The following DLGAP1 variants were observed in gnomAD, a reference collection of about 807,000 sequenced individuals.
The protein encoded by DLGAP1 is DLG associated protein 1.
A neutral mutation model predicts 90.8 loss-of-function variants in DLGAP1; 11 were observed. The ratio of observed to expected loss-of-function variants is 0.12; its 90% CI spans 0.08 to 0.20. The LOEUF is 0.20. Among genes scored for constraint, DLGAP1 ranks in the 10% least tolerant of loss-of-function variants. The pLI, the probability that DLGAP1 is intolerant of heterozygous loss-of-function variation, is 1.00. For synonymous variants in DLGAP1, 558 were observed against 540.7 expected (o/e 1.03, Z -0.44); for missense variants, 1,050 against 1,333.8 (o/e 0.79, Z 3.31).
At chr18:3,777,326 G>A (rs1262142137) in intron 5 of DLGAP1, among the ~76,000 whole-genome samples, 2 of 152,138 alleles carry the variant, frequency 1.3e-5, no homozygotes, top group East Asian at 1.9e-4. Context: ...ATGATAAAAT[G>A]CATCCTCCAC....
chr18:3,630,341 G>A (rs1054942604), intron 7 of DLGAP1, among the ~76,000 whole-genome samples: 1 of 152,130 alleles, frequency 6.6e-6, no homozygotes, highest in Admixed American at 6.6e-5. Flanking sequence ...GAGCCTGCAG[G>A]TCCTCAGACT....
At position 3,526,756 on chromosome 18, in the gene DLGAP1, G is replaced by A. The variant is rs1419246215; in HGVS notation, c.2479+7438C>T. On this transcript the variant is annotated intron_variant, in intron 10 of 12. Transcript: ENST00000315677. This position sits in a 1 kb window ranked among gnomAD's most constrained non-coding sequence, Gnocchi z 4.7. ...TGGAGGCATTCAGCTCCATCTGGTCGTTTCATCCCCGGTTAGATAATACCA... is the reference window on the plus strand; with the variant it reads ...TGGAGGCATTCAGCTCCATCTGGTCATTTCATCCCCGGTTAGATAATACCA... Among the ~76,000 whole-genome samples, 5 of 152,138 alleles carry A rather than the reference G, an allele frequency of 3.3e-5. No homozygotes were observed.
chr18:4,004,330 A>G (rs998388448), intron 3 of DLGAP1, among the ~76,000 whole-genome samples: 1 of 151,808 alleles, frequency 6.6e-6, no homozygotes, highest in East Asian at 1.9e-4. Flanking sequence ...GACAGAGCAC[A>G]TGATATAAGT....
intron 2 of DLGAP1, among the ~76,000 whole-genome samples, chr18:4,091,253 GAAATA>G (rs552568394): frequency 1.3e-5 from 2 of 152,002 alleles, no homozygotes; most frequent in African/African-American, 4.8e-5. Context: ...AAAATGAAAT[GAAATA>G]AAATAAAATA....
At chr18:3,840,629 A>C (rs2068660265) in intron 4 of DLGAP1, among the ~76,000 whole-genome samples, 1 of 152,196 alleles carries the variant, frequency 6.6e-6, no homozygotes, top group Non-Finnish European at 1.5e-5. Context: ...GTTTCCTGAG[A>C]TTAGAGTGTG....
intron 1 of DLGAP1, among the ~76,000 whole-genome samples, chr18:4,391,305 C>T (rs889706003): frequency 2.6e-5 from 4 of 152,276 alleles, no homozygotes; most frequent in African/African-American, 4.8e-5. Flanking sequence ...AGTCCAGTTG[C>T]GGAAGATGTG....
chr18:3,771,244 G>C (rs1277974163), intron 5 of DLGAP1: 2 of 152,274 alleles, frequency 1.3e-5, no homozygotes, highest in Admixed American at 1.3e-4. Flanking sequence ...TCCCATGGCT[G>C]AGAATCCGCT....
chr18:3,749,085 C>T (rs2063385467), intron 5 of DLGAP1, among the ~76,000 whole-genome samples: 1 of 151,432 alleles, frequency 6.6e-6, no homozygotes. Context: ...TTCCACATTC[C>T]TATTCTGTCT....
At chr18:3,864,357 G>A (rs375094849) in intron 4 of DLGAP1, among the ~76,000 whole-genome samples, 2 of 152,128 alleles carry the variant, frequency 1.3e-5, no homozygotes, top group South Asian at 4.1e-4. Flanking sequence ...TCACTTCTCA[G>A]TTCCTTAGAA....
chr18:3,527,183 A>T (rs1050129603), intron 10 of DLGAP1, among the ~76,000 whole-genome samples: 1 of 152,222 alleles, frequency 6.6e-6, no homozygotes, highest in African/African-American at 2.4e-5. Flanking sequence ...ACCCACATTT[A>T]GTCAGTTTCA....
intron 4 of DLGAP1, among the ~76,000 whole-genome samples, chr18:3,841,854 C>T (rs182604959): frequency 3.4e-3 from 511 of 152,104 alleles, no homozygotes; most frequent in African/African-American, 0.012. Context: ...TGCTGGATCA[C>T]GGGCCACAAC....
intron 2 of DLGAP1, among the ~76,000 whole-genome samples, chr18:4,088,952 C>A (rs540465254): frequency 6.6e-6 from 1 of 152,156 alleles, no homozygotes; most frequent in South Asian, 2.1e-4. Context: ...TTTTGGCCAG[C>A]GCAAGCAGGC....
intron 6 of DLGAP1, among the ~76,000 whole-genome samples, chr18:3,741,225 CCAT>C (rs2062994830): frequency 8.3e-6 from 1 of 119,822 alleles, no homozygotes. Context: ...CACCACATCA[CCAT>C]CACCACCACC....
chr18:3,604,935 G>A (rs944874757), intron 7 of DLGAP1, among the ~76,000 whole-genome samples: 2 of 152,130 alleles, frequency 1.3e-5, no homozygotes, highest in Non-Finnish European at 2.9e-5. Context: ...TGTACATACT[G>A]GGCAACAGGG....
intron 3 of DLGAP1, among the ~76,000 whole-genome samples, chr18:3,939,216 C>T (rs573288158): frequency 7.2e-5 from 11 of 151,756 alleles, no homozygotes; most frequent in African/African-American, 1.7e-4. Flanking sequence ...GTCAGGAGTT[C>T]GAGACCAGCC....
At chr18:3,641,129 A>G (rs1187077625) in intron 7 of DLGAP1, among the ~76,000 whole-genome samples, 3 of 152,182 alleles carry the variant, frequency 2.0e-5, no homozygotes, top group Admixed American at 1.3e-4. Context: ...TATATGTAAT[A>G]CTATATGTGT....
intron 8 of DLGAP1, chr18:3,571,555 TCTCA>T (rs1439618058): frequency 1.2e-4 from 18 of 152,224 alleles, no homozygotes; most frequent in African/African-American, 3.8e-4. Flanking sequence ...GTCTTGGGAC[TCTCA>T]CTCTGTCGCC....
intron 1 of DLGAP1, among the ~76,000 whole-genome samples, chr18:4,446,498 C>G (rs547682431): frequency 1.3e-5 from 2 of 151,988 alleles, no homozygotes; most frequent in African/African-American, 4.8e-5. Context: ...TGCTCTCTAA[C>G]GTAATGAGTA....
At chr18:3,695,361 T>C (rs1034677110) in intron 7 of DLGAP1, among the ~76,000 whole-genome samples, 1 of 152,208 alleles carries the variant, frequency 6.6e-6, no homozygotes, top group African/African-American at 2.4e-5. Context: ...CTTTAATCCA[T>C]CTTGAGTTAA....
Sources: gnomAD v4.1 joint callset for allele counts (sites outside exome capture counted in the v4.1 genomes callset) on GRCh38, gnomAD v4.1.1 for gene constraint, Gnocchi (gnomAD v3.1) non-coding constraint, MANE v1.5 for transcripts, NCBI Gene and HGNC (gene_info 2026-07-23, HGNC 2026-07-21) for gene names.